The following CCSER1 variants were observed in gnomAD, a reference collection of about 807,000 sequenced individuals.
CCSER1 encodes the protein coiled-coil serine rich protein 1, also known as serine-rich coiled-coil domain-containing protein 1.
CCSER1 carries 41 observed loss-of-function variants against 82.0 expected under a neutral mutation model. The ratio of observed to expected loss-of-function variants is 0.50; its 90% CI spans 0.39 to 0.65. The LOEUF (loss-of-function observed/expected upper bound fraction) is 0.65. CCSER1 is among the 30% of genes least tolerant of loss of function. The pLI is 0.00. For synonymous variants in CCSER1, 414 were observed against 383.9 expected, an observed-to-expected ratio of 1.08 and a Z score of -0.92; for missense variants, 1,119 against 1,064.2, an observed-to-expected ratio of 1.05 and a Z score of -0.72.
chr4:91,315,623 T>G (rs1745778634), intron 10 of CCSER1, among the ~76,000 whole-genome samples: 1 of 151,978 alleles, frequency 6.6e-6, no homozygotes, highest in African/African-American at 2.4e-5. Flanking sequence ...TTTATGCTAG[T>G]GGAAATCTGA....
At chr4:91,441,393 A>G (rs1755130088) in intron 10 of CCSER1, among the ~76,000 whole-genome samples, 1 of 149,076 alleles carries the variant, frequency 6.7e-6, no homozygotes, top group African/African-American at 2.5e-5. Flanking sequence ...CAATAGATGC[A>G]GAAAAGGCCT....
At chr4:90,809,781 A>C (rs1307807013) in intron 7 of CCSER1, among the ~76,000 whole-genome samples, 1 of 152,072 alleles carries the variant, frequency 6.6e-6, no homozygotes, top group African/African-American at 2.4e-5. Context: ...AGTCCTAGCT[A>C]CTTGGGAGGC....
At chr4:90,425,742 T>A (rs1162962273) in intron 4 of CCSER1, among the ~76,000 whole-genome samples, 1 of 152,176 alleles carries the variant, frequency 6.6e-6, no homozygotes, top group Non-Finnish European at 1.5e-5. Context: ...ATTACTTTCA[T>A]TATAAAATCT....
chr4:91,380,001 T>G (rs931049103), intron 10 of CCSER1, among the ~76,000 whole-genome samples: 6 of 152,214 alleles, frequency 3.9e-5, no homozygotes, highest in African/African-American at 7.2e-5. Flanking sequence ...CATTTCGTTA[T>G]GTACCCAGTA....
chr4:90,650,569 A>G (rs759407934), intron 6 of CCSER1, among the ~76,000 whole-genome samples: 14 of 152,220 alleles, frequency 9.2e-5, no homozygotes, highest in Non-Finnish European at 1.5e-4. Context: ...ATACCATATC[A>G]GGTCCAACCT....
At chr4:91,059,496 C>A (rs1369531052) in intron 9 of CCSER1, among the ~76,000 whole-genome samples, 2 of 149,462 alleles carry the variant, frequency 1.3e-5, no homozygotes, top group African/African-American at 4.9e-5. Flanking sequence ...ATACCAGTCC[C>A]GATTTTGAAT....
rs140669423 is a variant in CCSER1, at chr4:90,771,559, G to A, written c.2011-44203G>A. Among the ~76,000 whole-genome samples the A allele has an allele frequency of 6.0e-3, 810 of 134,526 alleles. 11 individuals are homozygous for A. The highest frequency in any genetic ancestry group is 0.022 in the African/African-American group (754 of 33,800). 88.3% of individuals were successfully genotyped at this position (134,526 alleles called of 152,430 possible). On this transcript the variant is annotated intron_variant, in intron 7 of 10. Transcript: ENST00000509176. ...AAAATGATTTTATTTAGAAAATGCC[G>A]GGCACTAAAAAAAAAAAAAAAAAGA...
At chr4:90,956,765 TC>T (rs1165808379) in intron 9 of CCSER1, among the ~76,000 whole-genome samples, 1 of 127,862 alleles carries the variant, frequency 7.8e-6, no homozygotes, top group Non-Finnish European at 1.7e-5. Flanking sequence ...TTCTTCCTCT[TC>T]TTTTTTTTTT....
chr4:90,334,054 G>A (rs571043101), intron 3 of CCSER1, among the ~76,000 whole-genome samples: 17 of 152,222 alleles, frequency 1.1e-4, no homozygotes, highest in African/African-American at 4.1e-4. Flanking sequence ...TCACCTTCTT[G>A]GCCTTCTTTC....
chr4:90,885,871 CTT>C (rs923846803), intron 8 of CCSER1, among the ~76,000 whole-genome samples: 1 of 152,176 alleles, frequency 6.6e-6, no homozygotes, highest in Non-Finnish European at 1.5e-5. Context: ...GTTTCTTACT[CTT>C]TTCATTCCAA....
intron 10 of CCSER1, among the ~76,000 whole-genome samples, chr4:91,335,434 G>A (rs944630032): frequency 1.3e-5 from 2 of 152,100 alleles, no homozygotes; most frequent in African/African-American, 2.4e-5. Context: ...GAGAGGACCA[G>A]AAAGACTGAG....
chr4:90,781,843 T>TA, intron 7 of CCSER1: 2 of 944,798 alleles, frequency 2.1e-6, no homozygotes, highest in Non-Finnish European at 2.5e-6. Context: ...TTTCTATTTG[T>TA]GTTTTCTATT....
rs764323841 is a variant in CCSER1 at position 90,231,307 on chromosome 4, A to C, written c.-41-76937A>C. Among the ~76,000 whole-genome samples, 563 of 152,214 alleles carry C rather than the reference A, an allele frequency of 3.7e-3. 5 individuals carry two copies. Among genetic ancestry groups the C allele is most frequent in the Non-Finnish European group, 3.4e-3 (228 of 68,012 alleles). ...GTGGGTTCATCCCTGGGATGCAAGG[A>C]TGGTTCAATATACGCAAATCAATAA... On this transcript the variant is annotated intron_variant, in intron 1 of 10. Transcript: ENST00000509176.
chr4:91,478,515 A>G (rs1035834025), intron 10 of CCSER1, among the ~76,000 whole-genome samples: 24 of 151,948 alleles, frequency 1.6e-4, no homozygotes, highest in African/African-American at 5.8e-4. Flanking sequence ...AAAAATCGTA[A>G]CAGTCTCAGA....
chr4:90,811,762 C>A (rs981989304), intron 7 of CCSER1, among the ~76,000 whole-genome samples: 1 of 151,882 alleles, frequency 6.6e-6, no homozygotes. Context: ...GTCTGTGGAA[C>A]AATATTGAGT....
At chr4:91,043,221 T>C (rs936545723) in intron 9 of CCSER1, among the ~76,000 whole-genome samples, 1 of 151,846 alleles carries the variant, frequency 6.6e-6, no homozygotes, top group Non-Finnish European at 1.5e-5. Flanking sequence ...AGGCATTCAC[T>C]AAAAAAAGAA....
intron 10 of CCSER1, among the ~76,000 whole-genome samples, chr4:91,172,670 G>T (rs1732883610): frequency 6.6e-6 from 1 of 152,092 alleles, no homozygotes; most frequent in South Asian, 2.1e-4. Flanking sequence ...AACACGCGAG[G>T]CAGAAGCAAT....
chr4:91,241,352 G>T (rs1288546995), intron 10 of CCSER1, among the ~76,000 whole-genome samples: 1 of 140,450 alleles, frequency 7.1e-6, no homozygotes, highest in Non-Finnish European at 1.5e-5. Context: ...TTGAGACGGA[G>T]TCTTGCTCTG....
At chr4:90,298,284 G>T (rs1268070950) in intron 1 of CCSER1, among the ~76,000 whole-genome samples, 2 of 152,052 alleles carry the variant, frequency 1.3e-5, no homozygotes, top group African/African-American at 4.8e-5. Flanking sequence ...TTTATGTAGG[G>T]GTGTTTGTAG....
Sources: allele counts gnomAD v4.1 joint callset (sites outside exome capture counted in the v4.1 genomes callset), GRCh38; gene constraint gnomAD v4.1.1; transcripts MANE v1.5; gene names NCBI Gene and HGNC (gene_info 2026-07-23, HGNC 2026-07-21).